Variants in MSI2 observed in about 807,000 individuals in gnomAD.
MSI2 encodes RNA-binding protein Musashi homolog 2.
Under a neutral mutation model 45.6 loss-of-function variants are expected in MSI2, and 17 were observed. That is an observed-to-expected ratio of 0.37 (90% CI 0.26 to 0.56). The LOEUF is 0.56. Ranked by LOEUF, MSI2 falls within the 20% of genes least tolerant of loss-of-function variation. The pLI is 0.77. For synonymous variants in MSI2, 156 were observed against 158.2 expected (o/e 0.99, Z 0.11); for missense variants, 293 against 444.2 (o/e 0.66, Z 3.06).
chr17:57,649,517 T>C (rs974252874), intron 10 of MSI2, among the ~76,000 whole-genome samples: 1 of 151,516 alleles, frequency 6.6e-6, no homozygotes, highest in Non-Finnish European at 1.5e-5. Flanking sequence ...ATTACACACA[T>C]ACACCTGACA....
chr17:57,406,376 C>T (rs2084082687), intron 6 of MSI2, among the ~76,000 whole-genome samples: 1 of 152,186 alleles, frequency 6.6e-6, no homozygotes, highest in African/African-American at 2.4e-5. Context: ...CTTCAGGCCC[C>T]TCCTTCAAGT....
chr17:57,573,039 C>T (rs1001768332), intron 7 of MSI2, among the ~76,000 whole-genome samples: 1 of 152,130 alleles, frequency 6.6e-6, no homozygotes, highest in African/African-American at 2.4e-5. Flanking sequence ...AGCAGGAGTG[C>T]CCCCTCGTAG....
chr17:57,588,200 G>T (rs1904494825), intron 7 of MSI2, among the ~76,000 whole-genome samples: 1 of 152,158 alleles, frequency 6.6e-6, no homozygotes, highest in Non-Finnish European at 1.5e-5. Context: ...TTGTTTACTG[G>T]CCCACCAGGA....
At chr17:57,499,144 G>A (rs1468054807) in intron 6 of MSI2, among the ~76,000 whole-genome samples, 1 of 152,098 alleles carries the variant, frequency 6.6e-6, no homozygotes, top group Non-Finnish European at 1.5e-5. Context: ...GGGAGGCTGA[G>A]GCGGATGGAT....
chr17:57,625,767 T>C (rs1312802491), intron 9 of MSI2: 2 of 152,232 alleles, frequency 1.3e-5, no homozygotes, highest in African/African-American at 2.4e-5. Context: ...AGAAGGAGCT[T>C]GGGCAGTGCT....
chr17:57,543,424 C>T (rs543752427), intron 7 of MSI2, among the ~76,000 whole-genome samples: 1 of 152,296 alleles, frequency 6.6e-6, no homozygotes, highest in African/African-American at 2.4e-5. Flanking sequence ...CCCTGGAAGG[C>T]TGGGGGGACG....
intron 5 of MSI2, among the ~76,000 whole-genome samples, chr17:57,335,182 ATTTC>A (rs146723655): frequency 0.018 from 2,648 of 148,892 alleles, 80 homozygotes; most frequent in African/African-American, 0.063. Context: ...CCTGTCTGCC[ATTTC>A]TTTGAGAAGC....
intron 6 of MSI2, among the ~76,000 whole-genome samples, chr17:57,452,659 G>A (rs775696408): frequency 9.2e-5 from 14 of 152,136 alleles, no homozygotes; most frequent in African/African-American, 1.9e-4. Flanking sequence ...AAGATGGTTC[G>A]GATTTGAAGA....
chr17:57,468,346 C>T (rs1175179588), intron 6 of MSI2, among the ~76,000 whole-genome samples: 8 of 151,340 alleles, frequency 5.3e-5, no homozygotes, highest in South Asian at 2.1e-4. Context: ...GGTGAAACCC[C>T]GTCTCTACTA....
chr17:57,621,052 C>T (rs921714434), intron 9 of MSI2, among the ~76,000 whole-genome samples: 5 of 152,326 alleles, frequency 3.3e-5, no homozygotes, highest in African/African-American at 1.2e-4. Context: ...ATTTGCTGTG[C>T]TATGATGGAA....
At chr17:57,307,002 T>C (rs1911977690) in intron 5 of MSI2, among the ~76,000 whole-genome samples, 3 of 152,248 alleles carry the variant, frequency 2.0e-5, no homozygotes, top group African/African-American at 7.2e-5. Context: ...TTTGTTTACA[T>C]GAGGACTTGG....
At chr17:57,659,083 TG>T (rs2144706157) in intron 11 of MSI2, among the ~76,000 whole-genome samples, 1 of 151,400 alleles carries the variant, frequency 6.6e-6, no homozygotes, top group Admixed American at 6.6e-5. Context: ...TTGGTTGGTT[TG>T]TTGTTGTTGT....
At chr17:57,392,326 G>A (rs2083809014) in intron 5 of MSI2, among the ~76,000 whole-genome samples, 1 of 152,200 alleles carries the variant, frequency 6.6e-6, no homozygotes, top group Admixed American at 6.5e-5. Context: ...GCCTAGGAGG[G>A]AGCCAGGTAG....
intron 5 of MSI2, among the ~76,000 whole-genome samples, chr17:57,399,539 T>C (rs2083950672): frequency 6.6e-6 from 1 of 150,842 alleles, no homozygotes; most frequent in South Asian, 2.1e-4. Context: ...CAGCAGGCTA[T>C]GGTGGCATGT....
intron 5 of MSI2, among the ~76,000 whole-genome samples, chr17:57,324,506 C>T (rs1345353928): frequency 2.6e-5 from 4 of 152,200 alleles, no homozygotes; most frequent in African/African-American, 9.7e-5. Flanking sequence ...GAAAAGCTGC[C>T]TCTGCTGTCT....
At chr17:57,345,080 T>C (rs1260617390) in intron 5 of MSI2, among the ~76,000 whole-genome samples, 1 of 151,650 alleles carries the variant, frequency 6.6e-6, no homozygotes, top group Non-Finnish European at 1.5e-5. Context: ...AAAGGCCTAC[T>C]AAAAAGGAAG....
intron 5 of MSI2, among the ~76,000 whole-genome samples, chr17:57,345,712 G>A (rs996558323): frequency 5.3e-5 from 8 of 151,556 alleles, no homozygotes; most frequent in Non-Finnish European, 5.9e-5. Context: ...CCAGCTACTC[G>A]GGAGGCTAAG....
At chr17:57,471,277 CT>C (rs529448901) in intron 6 of MSI2, among the ~76,000 whole-genome samples, 193 of 83,672 alleles carry the variant, frequency 2.3e-3, no homozygotes, top group African/African-American at 8.8e-3. Flanking sequence ...TTATGGAGCA[CT>C]TTTTTTTTTT....
At chr17:57,281,525 C>T (rs1909417090) in intron 5 of MSI2, among the ~76,000 whole-genome samples, 1 of 152,212 alleles carries the variant, frequency 6.6e-6, no homozygotes, top group South Asian at 2.1e-4. Flanking sequence ...CCCTCCATCC[C>T]TGGGTTCTCG....
Sources: allele counts gnomAD v4.1 joint callset (sites outside exome capture counted in the v4.1 genomes callset), GRCh38; gene constraint gnomAD v4.1.1; transcripts MANE v1.5; gene names NCBI Gene and HGNC (gene_info 2026-07-23, HGNC 2026-07-21).